Variants in DCAF5 observed in about 807,000 individuals in gnomAD.
DCAF5 encodes the protein DDB1 and CUL4 associated factor 5.
In DCAF5, 9 loss-of-function variants were observed where a neutral mutation model predicts 80.7. The observed-to-expected ratio is 0.11, with a 90% CI of 0.07 to 0.19. The LOEUF is 0.19. Ranked by LOEUF, DCAF5 falls within the 10% of genes least tolerant of loss-of-function variation. DCAF5 has a pLI of 1.00. For synonymous variants in DCAF5, 433 were observed against 461.9 expected (o/e 0.94, Z 0.80); for missense variants, 842 against 1,205.7 (o/e 0.70, Z 4.47).
Position 69,055,654 on chromosome 14 carries a change from A to G in DCAF5, c.1075-43T>C, listed in dbSNP as rs142263137. The G allele has an allele frequency of 9.7e-6, 15 of 1,549,318 alleles. No homozygotes were observed. The highest frequency in any genetic ancestry group is 2.3e-5 in the East Asian group (1 of 44,016). On this transcript the variant is annotated intron_variant, in intron 8 of 8. Transcript: ENST00000341516. This position sits in a 1 kb window ranked among gnomAD's most constrained non-coding sequence, Gnocchi z 5.6. ...AACAAAAGCAACAAGGAGTAACTGG[A>G]AAGTATTCTTTCACTGGTGGTGATA...
chr14:69,070,008 G>A (rs576266897), intron 7 of DCAF5, among the ~76,000 whole-genome samples: 1 of 152,184 alleles, frequency 6.6e-6, no homozygotes, highest in Non-Finnish European at 1.5e-5. Context: ...ATTGTTGTTG[G>A]TGGTGGTATT....
intron 1 of DCAF5, among the ~76,000 whole-genome samples, chr14:69,135,443 C>T (rs936217296): frequency 1.3e-5 from 2 of 152,224 alleles, no homozygotes; most frequent in African/African-American, 2.4e-5. Context: ...ACATAAAACA[C>T]TTCTGCTGCA....
In DCAF5 at chr14:69,053,727, A is replaced by G; in HGVS notation, c.*130T>C. On this transcript the variant is annotated 3_prime_UTR_variant, in exon 9 of 9. Coordinates refer to ENST00000341516, the MANE Select transcript of DCAF5 (RefSeq NM_003861.3). ...ATGTTGGATAGAAGGGAGCAGCATC[A>G]GACACAAAATTTCAGGCCCTGGTTT... The G allele has an allele frequency of 1.2e-6, 1 of 829,446 alleles. No homozygotes were observed. Among genetic ancestry groups the G allele is most frequent in the Non-Finnish European group, 1.8e-6 (1 of 551,852 alleles). 51.4% of individuals were successfully genotyped at this position (829,446 alleles called of 1,614,324 possible).
intron 5 of DCAF5, among the ~76,000 whole-genome samples, chr14:69,099,753 G>C (rs193151826): frequency 6.7e-6 from 1 of 149,774 alleles, no homozygotes; most frequent in African/African-American, 2.5e-5. Context: ...GGCCAGCCTG[G>C]GCAACAAAGT....
At chr14:69,088,318 C>T (rs1056188264) in intron 6 of DCAF5, among the ~76,000 whole-genome samples, 11 of 152,168 alleles carry the variant, frequency 7.2e-5, no homozygotes, top group Non-Finnish European at 1.3e-4. Context: ...CTCTCTGAGA[C>T]TCAGTTTACT....
At chr14:69,134,678 CA>C (rs1231028258) in intron 1 of DCAF5, among the ~76,000 whole-genome samples, 1 of 152,210 alleles carries the variant, frequency 6.6e-6, no homozygotes, top group Non-Finnish European at 1.5e-5. Context: ...ATGGCCAAAA[CA>C]TTAAAATATT....
chr14:69,056,157 T>A (rs571762637), intron 8 of DCAF5, among the ~76,000 whole-genome samples: 163 of 152,322 alleles, frequency 1.1e-3, no homozygotes, highest in African/African-American at 3.8e-3. Context: ...TATTTTTAAC[T>A]AATGGGAATT....
intron 6 of DCAF5, 56 bp from the exon 7 acceptor site, chr14:69,075,467 C>T (rs1007917639): frequency 4.6e-6 from 5 of 1,087,404 alleles, no homozygotes; most frequent in African/African-American, 1.6e-5. Context: ...AGAATAAATA[C>T]AATATGTAAC....
At chr14:69,147,311 G>A (rs746682215) in intron 1 of DCAF5, among the ~76,000 whole-genome samples, 5 of 152,120 alleles carry the variant, frequency 3.3e-5, no homozygotes, top group Non-Finnish European at 7.4e-5. Context: ...AGATGTTGAA[G>A]GTATCAATCT....
At chr14:69,143,761 A>T (rs11622889) in intron 1 of DCAF5, 1 of 152,070 alleles carries the variant, frequency 6.6e-6, no homozygotes, top group African/African-American at 2.4e-5. Flanking sequence ...CTTGAAAAGC[A>T]GTTATTGGAA....
At chr14:69,120,188 A>G (rs1258773258) in intron 2 of DCAF5, among the ~76,000 whole-genome samples, 3 of 152,064 alleles carry the variant, frequency 2.0e-5, no homozygotes, top group African/African-American at 4.8e-5. Context: ...TGCTCAAGCA[A>G]TCTTCCCACC....
intron 5 of DCAF5, among the ~76,000 whole-genome samples, chr14:69,106,792 C>T (rs1381702484): frequency 2.0e-5 from 3 of 152,110 alleles, no homozygotes; most frequent in African/African-American, 7.2e-5. Context: ...GTAATTCCAG[C>T]ACATTGGGAG....
intron 6 of DCAF5, among the ~76,000 whole-genome samples, chr14:69,077,260 T>C (rs1422657119): frequency 1.3e-5 from 2 of 152,228 alleles, no homozygotes; most frequent in East Asian, 3.8e-4. Context: ...TAGAGTGCAG[T>C]GGCACGATTA....
At chr14:69,099,700 T>C (rs1290428397) in intron 5 of DCAF5, among the ~76,000 whole-genome samples, 2 of 152,106 alleles carry the variant, frequency 1.3e-5, no homozygotes, top group Non-Finnish European at 2.9e-5. Context: ...CCCAACACTT[T>C]GGGAGGCCCA....
rs914960521 is a variant in DCAF5 at position 69,077,331 on chromosome 14, G to T, written c.880-1920C>A. Among the ~76,000 whole-genome samples, 5 of 151,546 alleles carry T rather than the reference G, an allele frequency of 3.3e-5. No individual in the cohort carries two copies. In the South Asian group the frequency reaches 1.0e-3, roughly 32 times the overall value. Reference sequence around the variant, plus strand: ...GATCCTCCTGCTTCAGCCTCCCCAGGAGATGGAACACAGGCATGCACCACG... The same window carrying T: ...GATCCTCCTGCTTCAGCCTCCCCAGTAGATGGAACACAGGCATGCACCACG... On this transcript the variant is annotated intron_variant, in intron 6 of 8. Transcript: ENST00000341516.
intron 1 of DCAF5, among the ~76,000 whole-genome samples, chr14:69,138,523 A>G (rs142500337): frequency 1.6e-4 from 24 of 152,336 alleles, no homozygotes; most frequent in African/African-American, 5.1e-4. Flanking sequence ...CTGGCAGAGT[A>G]AGCCACTTAG....
At chr14:69,131,842 G>A (rs1463331132) in intron 1 of DCAF5, among the ~76,000 whole-genome samples, 1 of 143,598 alleles carries the variant, frequency 7.0e-6, no homozygotes, top group Non-Finnish European at 1.5e-5. Flanking sequence ...TCATATCGTT[G>A]TGCAACCATC....
At chr14:69,142,743 T>TC (rs1211862711) in intron 1 of DCAF5, among the ~76,000 whole-genome samples, 2 of 152,176 alleles carry the variant, frequency 1.3e-5, no homozygotes, top group African/African-American at 4.8e-5. Context: ...AGGTATTTTC[T>TC]CCCCATGTAT....
chr14:69,115,792 C>T (rs1055148663), intron 5 of DCAF5, among the ~76,000 whole-genome samples: 9 of 152,204 alleles, frequency 5.9e-5, no homozygotes, highest in Non-Finnish European at 1.0e-4. Flanking sequence ...AGGTCCTGAA[C>T]ACCACAGTGC....
Sources: gnomAD v4.1 joint callset for allele counts (sites outside exome capture counted in the v4.1 genomes callset) on GRCh38, gnomAD v4.1.1 for gene constraint, Gnocchi (gnomAD v3.1) non-coding constraint, MANE v1.5 for transcripts, NCBI Gene and HGNC (gene_info 2026-07-23, HGNC 2026-07-21) for gene names.